Variants in CCDC91 observed in about 807,000 individuals in gnomAD.
The protein encoded by CCDC91 is coiled-coil domain containing 91.
CCDC91 carries 48 observed loss-of-function variants against 63.2 expected under a neutral mutation model. That is an observed-to-expected ratio of 0.76 (90% CI 0.60 to 0.97). The LOEUF is 0.97. Ranked by LOEUF, CCDC91 falls within the 50% of genes least tolerant of loss-of-function variation. CCDC91 has a pLI of 0.00. For synonymous variants in CCDC91, 167 were observed against 165.8 expected (o/e 1.01, Z -0.06); for missense variants, 500 against 494.6 (o/e 1.01, Z -0.10).
chr12:28,406,151 G>A (rs1022850281), intron 8 of CCDC91, among the ~76,000 whole-genome samples: 3 of 152,026 alleles, frequency 2.0e-5, no homozygotes, highest in East Asian at 1.9e-4. Context: ...ATAGGTAAGC[G>A]TGTGCATGGT....
intron 11 of CCDC91, among the ~76,000 whole-genome samples, chr12:28,453,908 A>T (rs1949936839): frequency 6.6e-6 from 1 of 152,108 alleles, no homozygotes; most frequent in Non-Finnish European, 1.5e-5. Flanking sequence ...AAGGCATGAA[A>T]AAAATCAGCA....
intron 12 of CCDC91, among the ~76,000 whole-genome samples, chr12:28,538,519 T>G (rs11049703): frequency 0.32 from 47,842 of 151,168 alleles, 8,104 homozygotes; most frequent in African/African-American, 0.4. Context: ...TTGGACATTT[T>G]GGTTGGTTCC....
intron 6 of CCDC91, among the ~76,000 whole-genome samples, chr12:28,335,380 T>TTATATATAAATATTATG (rs1251999794): frequency 7.5e-6 from 1 of 134,048 alleles, no homozygotes. Flanking sequence ...AAATATATAT[T>TTATATATAAATATTATG]TATATATAAA....
intron 6 of CCDC91, among the ~76,000 whole-genome samples, chr12:28,361,489 C>G (rs1229756072): frequency 6.6e-6 from 1 of 151,996 alleles, no homozygotes; most frequent in African/African-American, 2.4e-5. Context: ...TTTTTGCTTT[C>G]TTTGGCTTCC....
intron 12 of CCDC91, among the ~76,000 whole-genome samples, chr12:28,497,626 C>T (rs549120581): frequency 5.9e-4 from 89 of 151,596 alleles, no homozygotes; most frequent in Non-Finnish European, 1.0e-3. Context: ...GCTGTATATC[C>T]AGCAGCGTAC....
At chr12:28,201,938 G>A (rs1424494695) in intron 1 of CCDC91, among the ~76,000 whole-genome samples, 2 of 151,582 alleles carry the variant, frequency 1.3e-5, no homozygotes, top group Admixed American at 6.6e-5. Flanking sequence ...TGAGGCAGGA[G>A]AATCAGGCAG....
chr12:28,239,274 A>G (rs1945174863), intron 1 of CCDC91, among the ~76,000 whole-genome samples: 2 of 152,014 alleles, frequency 1.3e-5, no homozygotes, highest in Admixed American at 1.3e-4. Context: ...TTAATGGGCA[A>G]ATGGATGGAG....
chr12:28,476,459 C>G (rs1242431148), intron 11 of CCDC91, among the ~76,000 whole-genome samples: 1 of 152,112 alleles, frequency 6.6e-6, no homozygotes, highest in African/African-American at 2.4e-5. Context: ...CTCTGGGACA[C>G]ATTTAAAGCA....
intron 3 of CCDC91, among the ~76,000 whole-genome samples, chr12:28,267,952 T>TA (rs1565701707): frequency 9.7e-6 from 1 of 102,934 alleles, no homozygotes; most frequent in Non-Finnish European, 1.9e-5. Context: ...ATAATTATTA[T>TA]ATATAATTAT....
At position 28,293,981 on chromosome 12, in the gene CCDC91, A is replaced by T. The variant is rs959365706; in HGVS notation, c.110-11668A>T. ...CGCCCAAAATCTTAACATGATTTTA[A>T]CTTGCATTTTTAGTACTTGTGGAGT... On this transcript the variant is annotated intron_variant, in intron 3 of 12. Transcript: ENST00000536442. Among the ~76,000 whole-genome samples the T allele has an allele frequency of 4.7e-4, 72 of 152,292 alleles. 1 individual carries two copies. The highest frequency in any genetic ancestry group is 1.8e-3 in the Admixed American group (28 of 15,294).
At chr12:28,281,194 A>T (rs1948590691) in intron 3 of CCDC91, among the ~76,000 whole-genome samples, 1 of 152,254 alleles carries the variant, frequency 6.6e-6, no homozygotes, top group South Asian at 2.1e-4. Context: ...TTTAGGAAAG[A>T]TTTCAGTATC....
chr12:28,378,399 C>T (rs1335813802), intron 7 of CCDC91, among the ~76,000 whole-genome samples: 10 of 151,904 alleles, frequency 6.6e-5, no homozygotes, highest in East Asian at 3.9e-4. Flanking sequence ...TTGTTTGTAC[C>T]GTTTTATGAA....
chr12:28,328,822 G>A (rs1941246881), intron 6 of CCDC91, among the ~76,000 whole-genome samples: 2 of 151,570 alleles, frequency 1.3e-5, no homozygotes, highest in South Asian at 4.2e-4. Flanking sequence ...CTCCTTTATT[G>A]TTTATAAACT....
At chr12:28,341,361 T>C (rs1361454240) in intron 6 of CCDC91, among the ~76,000 whole-genome samples, 1 of 152,146 alleles carries the variant, frequency 6.6e-6, no homozygotes, top group Non-Finnish European at 1.5e-5. Flanking sequence ...CCAAGGACCA[T>C]GCCCTTCCCA....
chr12:28,366,661 C>T (rs1376035292), intron 7 of CCDC91, among the ~76,000 whole-genome samples: 1 of 152,084 alleles, frequency 6.6e-6, no homozygotes, highest in African/African-American at 2.4e-5. Context: ...TAGACTTCTG[C>T]CCTAAGCTGG....
rs150761677 is a variant in CCDC91 at position 28,203,521 on chromosome 12, T to C, written c.-15+12880T>C. Among the ~76,000 whole-genome samples, 681 of 152,330 alleles carry C rather than the reference T, an allele frequency of 4.5e-3. 1 individual carries two copies. Among genetic ancestry groups the C allele is most frequent in the Non-Finnish European group, 7.2e-3 (491 of 68,026 alleles). The stretch of plus-strand genomic sequence containing the variant: ...TTTAGGGATTATTCTAATTCAGATA[T>C]GTAAAAATTTCCCATATGTAGCAAA... On this transcript the variant is annotated intron_variant, in intron 1 of 12. Transcript: ENST00000536442.
chr12:28,359,194 TACACACCA>T (rs918350530), intron 6 of CCDC91, among the ~76,000 whole-genome samples: 1 of 152,184 alleles, frequency 6.6e-6, no homozygotes, highest in Admixed American at 6.5e-5. Context: ...GCACCCAGCC[TACACACCA>T]ATACTTTTTA....
chr12:28,516,180 A>C (rs183615269), intron 12 of CCDC91, among the ~76,000 whole-genome samples: 1 of 152,080 alleles, frequency 6.6e-6, no homozygotes, highest in Admixed American at 6.6e-5. Flanking sequence ...AGAGTGAGGC[A>C]GACTTTACCT....
At chr12:28,379,711 G>T (rs899327638) in intron 7 of CCDC91, among the ~76,000 whole-genome samples, 1 of 152,162 alleles carries the variant, frequency 6.6e-6, no homozygotes, top group African/African-American at 2.4e-5. Context: ...TGGTGGGAGT[G>T]TATATTAGTT....
Sources: gnomAD v4.1 joint callset for allele counts (sites outside exome capture counted in the v4.1 genomes callset) on GRCh38, gnomAD v4.1.1 for gene constraint, MANE v1.5 for transcripts, NCBI Gene and HGNC (gene_info 2026-07-23, HGNC 2026-07-21) for gene names.